Variants in ZNF260 observed in about 807,000 individuals in gnomAD.
ZNF260 encodes zinc finger protein 260.
In ZNF260, 21 loss-of-function variants were observed where a neutral mutation model predicts 29.3. The ratio of observed to expected loss-of-function variants is 0.72; its 90% CI spans 0.51 to 1.03. The LOEUF (loss-of-function observed/expected upper bound fraction) is 1.03. ZNF260 is among the 50% of genes least tolerant of loss of function. ZNF260 has a pLI of 0.00. For missense variants in ZNF260, 465 were observed against 487.8 expected (o/e 0.95, Z 0.44); for synonymous variants, 156 against 156.8 (o/e 0.99, Z 0.04).
At chr19:36,526,288 C>G (rs2034732227) in intron 1 of ZNF260, among the ~76,000 whole-genome samples, 1 of 152,228 alleles carries the variant, frequency 6.6e-6, no homozygotes, top group South Asian at 2.1e-4. Context: ...CGCCTGTAAT[C>G]CCAGCACTTT....
intron 2 of ZNF260, among the ~76,000 whole-genome samples, chr19:36,519,583 T>A (rs1369113731): frequency 6.6e-6 from 1 of 152,214 alleles, no homozygotes; most frequent in Non-Finnish European, 1.5e-5. Flanking sequence ...GTTTATCCTA[T>A]ATCTTGAAAA....
At chr19:36,518,598 T>C (rs1175632920) in intron 2 of ZNF260, among the ~76,000 whole-genome samples, 2 of 152,040 alleles carry the variant, frequency 1.3e-5, no homozygotes, top group African/African-American at 4.8e-5. Context: ...GAACATTTAG[T>C]GGGTTAGTGG....
intron 2 of ZNF260, among the ~76,000 whole-genome samples, chr19:36,520,354 A>C (rs117172205): frequency 0.015 from 2,277 of 152,246 alleles, 25 homozygotes; most frequent in Non-Finnish European, 0.024. Context: ...AAGAGTAAAA[A>C]AGAAAAAGAT....
chr19:36,527,548 T>C (rs1261250357), intron 1 of ZNF260, among the ~76,000 whole-genome samples: 1 of 152,200 alleles, frequency 6.6e-6, no homozygotes, highest in African/African-American at 2.4e-5. Flanking sequence ...AGGGAGTTTC[T>C]TGACCTCTGC....
chr19:36,521,023 G>A (rs553576087), intron 2 of ZNF260, among the ~76,000 whole-genome samples: 1 of 151,322 alleles, frequency 6.6e-6, no homozygotes, highest in East Asian at 1.9e-4. Context: ...CAAGGCTGCA[G>A]TGAGCTGTGA....
rs1301949922 is a variant in ZNF260, at chr19:36,514,402, A to G, written c.837T>C (p.Asn279=). 1 of 1,613,448 alleles carries G rather than the reference A, an allele frequency of 6.2e-7. No individual in the cohort carries two copies. The highest frequency in any genetic ancestry group is 8.5e-7 in the Non-Finnish European group (1 of 1,179,636). Residue 279 remains asparagine, a synonymous_variant, in exon 3 of 3, where the codon AAT becomes AAC. Coordinates refer to ENST00000523638, the MANE Select transcript of ZNF260 (RefSeq NM_001166037.2). ...TCTGCCTGAAGATTGTTCCACATTC[A>G]TTACATTTGTAGGGTTTCTCTCCAA... ...IHIGEKPYKC[N]ECGTIFRQKQ...
At position 36,514,065 on chromosome 19, in the gene ZNF260, C is replaced by G. The variant is rs756516339; in HGVS notation, c.1174G>C (p.Glu392Gln). Residue 392 changes from glutamate (E) to glutamine (Q), a missense_variant, in exon 3 of 3, where the codon GAA (glutamate) becomes CAA (glutamine). Coordinates refer to ENST00000523638, the MANE Select transcript of ZNF260 (RefSeq NM_001166037.2). ...HTGEKPYQCS[E>Q]CGKAFSQKSH... ...TTTTGGCTGAAAGCTTTCCCACATT[C>G]ACTACACTGATAAGGTTTTTCACCA... The G allele has an allele frequency of 2.5e-6, 4 of 1,614,024 alleles. No homozygotes were observed. The highest frequency in any genetic ancestry group is 3.4e-6 in the Non-Finnish European group (4 of 1,179,940).
intron 2 of ZNF260, among the ~76,000 whole-genome samples, chr19:36,521,828 T>A (rs754237720): frequency 4.0e-5 from 6 of 149,952 alleles, no homozygotes; most frequent in Non-Finnish European, 8.9e-5. Flanking sequence ...GGCAGGCAGA[T>A]CACAAGGTCG....
At position 36,514,814 on chromosome 19, in the gene ZNF260, C is replaced by G. The variant is rs2075556724; in HGVS notation, c.425G>C (p.Gly142Ala). 6.2e-7 allele frequency: 1 copy of G among 1,613,806 alleles called. No homozygotes were observed. Among genetic ancestry groups the G allele is most frequent in the African/African-American group, 1.3e-5 (1 of 74,896 alleles). ...GTKPYACKEC[G>A]KAFNGKAYLT... ...ATATGCTTTGCCGTTAAAGGCTTTG[C>G]CACATTCCTTACATGCATAGGGTTT... is the stretch of plus-strand genomic sequence containing the variant. The change falls in exon 3 of 3, where the codon GGC (glycine) becomes GCC (alanine). Residue 142 changes from glycine to alanine, a missense_variant. By Grantham distance (60) the Gly-to-Ala change is moderately conservative (BLOSUM62 0). Coordinates refer to ENST00000523638, the MANE Select transcript of ZNF260 (RefSeq NM_001166037.2).
At position 36,520,052 on chromosome 19, in the gene ZNF260, AG is replaced by A. The variant is rs1387395521; in HGVS notation, c.-461-4354del. Reference sequence around the variant, plus strand: ...CCATCTCTACTAAAAATACAAAATTAGCCGGGTGTGGTGGTGTGCGCCTGTA... The same window carrying A: ...CCATCTCTACTAAAAATACAAAATTACCGGGTGTGGTGGTGTGCGCCTGTA... On this transcript the variant is annotated intron_variant, in intron 2 of 2. Transcript: ENST00000523638. Among the ~76,000 whole-genome samples the A allele has an allele frequency of 2.0e-5, 3 of 151,696 alleles. No individual in the cohort carries two copies. The East Asian group carries it at 5.8e-4, about 29-fold the overall frequency.
intron 2 of ZNF260, among the ~76,000 whole-genome samples, chr19:36,520,198 C>CAAAA (rs11327751): frequency 1.8e-4 from 16 of 89,222 alleles, no homozygotes; most frequent in South Asian, 3.5e-4. Context: ...GACTCTGTCT[C>CAAAA]AAAAAAAAAA....
chr19:36,515,247 A>G lies in ZNF260; in HGVS notation c.-9T>C. The G allele has an allele frequency of 2.0e-6, 3 of 1,536,642 alleles. 1 individual carries two copies. The highest frequency in any genetic ancestry group is 2.6e-5 in the South Asian group (2 of 77,832). On this transcript the variant is annotated 5_prime_UTR_variant, in exon 3 of 3. Coordinates refer to ENST00000523638, the MANE Select transcript of ZNF260 (RefSeq NM_001166037.2). ...TCCAACATGCCTATCATGCATGTGA[A>G]TTTAATCAGGAGATTTCCCTAGTAT...
At chr19:36,522,083 G>A (rs2034655777) in intron 2 of ZNF260, among the ~76,000 whole-genome samples, 2 of 151,816 alleles carry the variant, frequency 1.3e-5, no homozygotes, top group African/African-American at 4.8e-5. Context: ...AATGAAAAAT[G>A]CTTTCAAAAT....
At chr19:36,520,479 G>C (rs1050338945) in intron 2 of ZNF260, among the ~76,000 whole-genome samples, 1 of 151,894 alleles carries the variant, frequency 6.6e-6, no homozygotes, top group African/African-American at 2.4e-5. Context: ...AGAAAAGACA[G>C]AAAACCTAAA....
chr19:36,524,208 C>T (rs879524150), intron 2 of ZNF260, among the ~76,000 whole-genome samples: 1 of 152,004 alleles, frequency 6.6e-6, no homozygotes, highest in Non-Finnish European at 1.5e-5. Flanking sequence ...CAGAGTCTCA[C>T]TCTGTTGCCC....
chr19:36,524,409 G>C lies in ZNF260; in HGVS notation c.-462+746C>G, dbSNP rs188853827. Among the ~76,000 whole-genome samples the C allele has an allele frequency of 5.9e-5, 9 of 151,888 alleles. 1 individual carries two copies. The East Asian group carries it at 1.7e-3, about 29-fold the overall frequency. ...TTAGCCAGGATGGTCGTGATCTCCT[G>C]ACCTCGTGATCCGCCAGCCTCGGCC... On this transcript the variant is annotated intron_variant, in intron 2 of 2. Transcript: ENST00000523638.
At chr19:36,523,766 C>T (rs1297191053) in intron 2 of ZNF260, among the ~76,000 whole-genome samples, 2 of 151,464 alleles carry the variant, frequency 1.3e-5, no homozygotes, top group African/African-American at 4.9e-5. Flanking sequence ...TTAGTAGAGA[C>T]TGGGTTTCAC....
At chr19:36,517,421 T>C (rs1237121483) in intron 2 of ZNF260, 1 of 151,974 alleles carries the variant, frequency 6.6e-6, no homozygotes, top group Non-Finnish European at 1.5e-5. Flanking sequence ...TTAGGAAATT[T>C]TGGAAAGAAA....
Position 36,515,210 on chromosome 19 carries a change from T to G in ZNF260, c.29A>C (p.His10Pro). 1.3e-6 allele frequency: 2 copies of G among 1,585,902 alleles called. No individual in the cohort carries two copies. Among genetic ancestry groups the G allele is most frequent in the Non-Finnish European group, 1.7e-6 (2 of 1,164,854 alleles). The change falls in exon 3 of 3, where the codon CAT becomes CCT. Residue 10 changes from histidine to proline, a missense_variant. By Grantham distance (77) the His-to-Pro change is moderately conservative (BLOSUM62 -2). Coordinates refer to ENST00000523638, the MANE Select transcript of ZNF260 (RefSeq NM_001166037.2). ...ATCATGCTGAAGGAGATCTGATTCA[T>G]GCTGAAGACTTTCCAACATGCCTAT... The part of the protein sequence containing the change: MIGMLESLQ[H>P]ESDLLQHDQI...
Sources: gnomAD v4.1 joint callset for allele counts (sites outside exome capture counted in the v4.1 genomes callset) on GRCh38, gnomAD v4.1.1 for gene constraint, MANE v1.5 for transcripts, NCBI Gene and HGNC (gene_info 2026-07-23, HGNC 2026-07-21) for gene names.